The following SPAG16 variants were observed in gnomAD, a reference collection of about 807,000 sequenced individuals.
SPAG16 encodes sperm-associated antigen 16 protein.
A neutral mutation model predicts 80.4 loss-of-function variants in SPAG16; 86 were observed. The ratio of observed to expected loss-of-function variants is 1.07; its 90% CI spans 0.90 to 1.28. The LOEUF (loss-of-function observed/expected upper bound fraction) is 1.28, where lower values mean the gene tolerates loss of function less well. Among genes scored for constraint, SPAG16 ranks in the 50% most tolerant of loss-of-function variants. SPAG16 has a pLI of 0.00. For missense variants in SPAG16, 870 were observed against 765.3 expected (o/e 1.14, Z -1.61); for synonymous variants, 294 against 265.9 (o/e 1.11, Z -1.03).
chr2:213,435,709 T>G (rs188271731), intron 9 of SPAG16, among the ~76,000 whole-genome samples: 1 of 152,206 alleles, frequency 6.6e-6, no homozygotes. Flanking sequence ...AAATCTAAAA[T>G]GACTGATAAA....
intron 9 of SPAG16, among the ~76,000 whole-genome samples, chr2:213,471,293 G>C (rs923162236): frequency 6.6e-6 from 1 of 152,162 alleles, no homozygotes; most frequent in African/African-American, 2.4e-5. Flanking sequence ...ACTTCCTCAA[G>C]TAACTTACTT....
chr2:213,859,759 C>T (rs951174331), intron 10 of SPAG16, among the ~76,000 whole-genome samples: 2 of 152,108 alleles, frequency 1.3e-5, no homozygotes, highest in African/African-American at 4.8e-5. Context: ...TTTACAATGG[C>T]ATAAAATAAT....
chr2:214,264,400 C>T (rs1691398143), intron 15 of SPAG16, among the ~76,000 whole-genome samples: 2 of 152,124 alleles, frequency 1.3e-5, no homozygotes, highest in South Asian at 2.1e-4. Context: ...CTCACTAATC[C>T]ATTTGCCTAG....
At chr2:214,270,169 G>A (rs1332533951) in intron 15 of SPAG16, among the ~76,000 whole-genome samples, 2 of 152,086 alleles carry the variant, frequency 1.3e-5, no homozygotes, top group African/African-American at 4.8e-5. Context: ...ATTTTCCAGT[G>A]CAGTCTACTT....
rs1330573779 is a variant in SPAG16, at chr2:213,314,406, A to G, written c.399-2813A>G. ...CAGGATATTTGTTAAAACAAAACAA[A>G]ACAACAGATACATACAAACTGAAGC... On this transcript the variant is annotated intron_variant, in intron 4 of 15. Coordinates refer to ENST00000331683, the MANE Select transcript of SPAG16 (RefSeq NM_024532.5). 2.6e-5 allele frequency among the ~76,000 whole-genome samples: 4 copies of G among 152,040 alleles called. No homozygotes were observed. The East Asian group carries it at 5.8e-4, about 22-fold the overall frequency.
At chr2:213,371,837 G>A (rs1409947589) in intron 8 of SPAG16, among the ~76,000 whole-genome samples, 1 of 152,056 alleles carries the variant, frequency 6.6e-6, no homozygotes, top group Non-Finnish European at 1.5e-5. Context: ...TTCAGACAAT[G>A]ATAAAATATA....
intron 10 of SPAG16, among the ~76,000 whole-genome samples, chr2:213,543,810 A>T (rs1212808674): frequency 6.6e-6 from 1 of 152,090 alleles, no homozygotes; most frequent in African/African-American, 2.4e-5. Context: ...CACCTTGATT[A>T]ATCATATTGA....
chr2:214,111,515 G>A (rs1419263058), intron 14 of SPAG16, among the ~76,000 whole-genome samples: 1 of 152,158 alleles, frequency 6.6e-6, no homozygotes, highest in East Asian at 1.9e-4. Context: ...CTAGTACCAT[G>A]CTCTGTTGGT....
chr2:214,364,790 T>A (rs1447211522), intron 15 of SPAG16, among the ~76,000 whole-genome samples: 1 of 152,122 alleles, frequency 6.6e-6, no homozygotes, highest in Non-Finnish European at 1.5e-5. Context: ...AGATCAGAGA[T>A]GATTGTGGGG....
rs3076792 is a variant in SPAG16 at position 213,932,949 on chromosome 2, A to AACACACACACACACAC, written c.1400+2831_1400+2846dup. On this transcript the variant is annotated intron_variant, in intron 12 of 15. Transcript: ENST00000331683. ...GTATTTCACTTAATGGTTGTTTGAA[A>AACACACACACACACAC]ACACACACACACACACACACACACA... is the stretch of plus-strand genomic sequence containing the variant. Among the ~76,000 whole-genome samples the AACACACACACACACAC allele has an allele frequency of 1.8e-3, 257 of 144,024 alleles. 2 individuals carry two copies. The highest frequency in any genetic ancestry group is 4.9e-3 in the African/African-American group (188 of 38,670). The allele number at this position is 144,024 out of a possible 152,430, so 94.5% of individuals were successfully genotyped here. A position where few individuals can be genotyped will look rare whatever the true frequency, so the allele number is the denominator to read the frequency against.
At chr2:213,609,512 C>T (rs1414540943) in intron 10 of SPAG16, among the ~76,000 whole-genome samples, 1 of 152,108 alleles carries the variant, frequency 6.6e-6, no homozygotes, top group African/African-American at 2.4e-5. Flanking sequence ...TTCTTACATA[C>T]CACAGTGACT....
Position 213,295,976 on chromosome 2 carries a change from T to C in SPAG16, c.137-88T>C, listed in dbSNP as rs1013582044. On this transcript the variant is annotated intron_variant, in intron 1 of 15. Coordinates refer to ENST00000331683, the MANE Select transcript of SPAG16 (RefSeq NM_024532.5). ...CCAACTTCCTGGTGAGATAGTTGAA[T>C]CCAATACTATATTTGAAGGTCAAAT... 2.7e-6 allele frequency: 3 copies of C among 1,111,676 alleles called. No homozygotes were observed. The African/African-American group carries it at 4.6e-5, about 17-fold the overall frequency. The allele number at this position is 1,111,676 out of a possible 1,614,324, so 68.9% of individuals were successfully genotyped here. A position where few individuals can be genotyped will look rare whatever the true frequency, so the allele number is the denominator to read the frequency against.
intron 9 of SPAG16, among the ~76,000 whole-genome samples, chr2:213,467,919 A>G (rs978083951): frequency 3.9e-5 from 6 of 152,138 alleles, no homozygotes; most frequent in Admixed American, 6.5e-5. Flanking sequence ...TGGGTTTTTA[A>G]GCCTGCAAGG....
chr2:214,145,659 A>C (rs34632426), intron 14 of SPAG16, among the ~76,000 whole-genome samples: 17,568 of 152,120 alleles, frequency 0.12, 1,141 homozygotes, highest in South Asian at 0.25. Context: ...AGTGGTGACT[A>C]TTCATTTTCA....
At chr2:213,869,406 T>C (rs989777959) in intron 11 of SPAG16, among the ~76,000 whole-genome samples, 4 of 150,042 alleles carry the variant, frequency 2.7e-5, no homozygotes, top group Non-Finnish European at 4.4e-5. Context: ...GATATTGATA[T>C]ACTGTCTCTC....
chr2:213,750,962 T>A (rs2068051520), intron 10 of SPAG16, among the ~76,000 whole-genome samples: 1 of 152,210 alleles, frequency 6.6e-6, no homozygotes, highest in Non-Finnish European at 1.5e-5. Flanking sequence ...CCCTCACAGT[T>A]GTTCTGTTAA....
intron 10 of SPAG16, among the ~76,000 whole-genome samples, chr2:213,751,659 CCT>C (rs933039672): frequency 2.0e-4 from 30 of 152,168 alleles, no homozygotes; most frequent in African/African-American, 6.8e-4. Flanking sequence ...TTGTGTCTCC[CCT>C]GACGCACACG....
At chr2:213,641,604 A>G (rs1324924477) in intron 10 of SPAG16, among the ~76,000 whole-genome samples, 2 of 152,138 alleles carry the variant, frequency 1.3e-5, no homozygotes, top group African/African-American at 4.8e-5. Context: ...TTCCCTGAAG[A>G]TTGGGCATGC....
rs984739236 is a variant in SPAG16 at position 213,429,847 on chromosome 2, C to T, written c.942+54728C>T. On this transcript the variant is annotated intron_variant, in intron 9 of 15. Transcript: ENST00000331683. ...TCAAGAAAAAAATAAAAGTCCTGCC[C>T]CCAAGAAAATAAATTCAAAAATAAG... Among the ~76,000 whole-genome samples the T allele has an allele frequency of 2.0e-5, 3 of 151,946 alleles. No homozygotes were observed. In the South Asian group the frequency reaches 6.2e-4, roughly 32 times the overall value.
Sources: allele counts gnomAD v4.1 joint callset (sites outside exome capture counted in the v4.1 genomes callset), GRCh38; gene constraint gnomAD v4.1.1; transcripts MANE v1.5; gene names NCBI Gene and HGNC (gene_info 2026-07-23, HGNC 2026-07-21).